The following IQCK variants were observed in gnomAD, a reference collection of about 807,000 sequenced individuals.
The protein encoded by IQCK is IQ motif containing K.
Under a neutral mutation model 28.1 loss-of-function variants are expected in IQCK, and 29 were observed. That is an observed-to-expected ratio of 1.03 (90% CI 0.77 to 1.41). The LOEUF (loss-of-function observed/expected upper bound fraction) is 1.41, where lower values mean the gene tolerates loss of function less well. IQCK is among the 40% of genes most tolerant of loss of function. IQCK has a pLI of 0.00. For missense variants in IQCK, 359 were observed against 314.7 expected, an observed-to-expected ratio of 1.14 and a Z score of -1.07; for synonymous variants, 113 against 115.1, an observed-to-expected ratio of 0.98 and a Z score of 0.12.
intron 2 of IQCK, among the ~76,000 whole-genome samples, chr16:19,732,163 C>T (rs1009753629): frequency 6.6e-5 from 10 of 152,216 alleles, no homozygotes; most frequent in African/African-American, 9.6e-5. Flanking sequence ...ACTCAGTCCA[C>T]CAACATATAC....
rs768835414 is a variant in IQCK at position 19,852,619 on chromosome 16, C to CTT, written c.803-3848_803-3847dup. On this transcript the variant is annotated intron_variant, in intron 9 of 9. Transcript: ENST00000320394. The stretch of plus-strand genomic sequence containing the variant: ...TCCGTGCCTCTCATCTTTCCTTCAA[C>CTT]TTTTTTTTTTTTTTTTTTTTTGAGA... Among the ~76,000 whole-genome samples the CTT allele has an allele frequency of 1.2e-3, 167 of 135,250 alleles. 2 individuals carry two copies. The highest frequency in any genetic ancestry group is 3.0e-3 in the African/African-American group (112 of 36,768). The allele number at this position is 135,250 out of a possible 152,430, so 88.7% of individuals were successfully genotyped here. A position where few individuals can be genotyped will look rare whatever the true frequency, so the allele number is the denominator to read the frequency against.
chr16:19,752,155 G>C (rs2054995373), intron 4 of IQCK, among the ~76,000 whole-genome samples: 1 of 152,160 alleles, frequency 6.6e-6, no homozygotes, highest in Non-Finnish European at 1.5e-5. Context: ...ATATTCTTAA[G>C]GAATTCCATG....
chr16:19,805,510 T>A (rs1208929552), intron 7 of IQCK, among the ~76,000 whole-genome samples: 1 of 152,204 alleles, frequency 6.6e-6, no homozygotes, highest in Non-Finnish European at 1.5e-5. Context: ...ACAAAGTCCC[T>A]GCCCTCATGG....
intron 6 of IQCK, among the ~76,000 whole-genome samples, chr16:19,775,769 A>G (rs1227062869): frequency 2.0e-5 from 3 of 146,966 alleles, no homozygotes; most frequent in Non-Finnish European, 4.5e-5. Context: ...ACCTCTCTTT[A>G]CAGAGCATGG....
At chr16:19,846,336 G>T (rs2056415311) in intron 9 of IQCK, among the ~76,000 whole-genome samples, 1 of 152,130 alleles carries the variant, frequency 6.6e-6, no homozygotes, top group African/African-American at 2.4e-5. Context: ...CCATTGCTAG[G>T]TTTGATTTGG....
chr16:19,738,647 T>A (rs1384635416), intron 4 of IQCK, among the ~76,000 whole-genome samples: 1 of 152,166 alleles, frequency 6.6e-6, no homozygotes, highest in Non-Finnish European at 1.5e-5. Flanking sequence ...GCCGATGAAA[T>A]GAGGTAGCTC....
At chr16:19,832,594 C>G (rs1037732299) in intron 9 of IQCK, among the ~76,000 whole-genome samples, 1 of 152,040 alleles carries the variant, frequency 6.6e-6, no homozygotes, top group Non-Finnish European at 1.5e-5. Flanking sequence ...AACTTCAAGG[C>G]CTAGGCTGAC....
chr16:19,758,414 C>T (rs2055084645), intron 4 of IQCK, among the ~76,000 whole-genome samples: 1 of 152,212 alleles, frequency 6.6e-6, no homozygotes, highest in Non-Finnish European at 1.5e-5. Context: ...GCATGACCGT[C>T]ATACATCAGA....
chr16:19,722,067 C>T (rs1977512511), intron 1 of IQCK, among the ~76,000 whole-genome samples: 1 of 152,212 alleles, frequency 6.6e-6, no homozygotes, highest in Admixed American at 6.5e-5. Flanking sequence ...TCCAGCACAG[C>T]CACTGAGCCA....
chr16:19,749,306 G>A (rs2054954309), intron 4 of IQCK, among the ~76,000 whole-genome samples: 1 of 152,184 alleles, frequency 6.6e-6, no homozygotes, highest in Non-Finnish European at 1.5e-5. Flanking sequence ...GAAGCTGAAC[G>A]CCTTCCAACT....
At chr16:19,854,796 G>T (rs539499562) in intron 9 of IQCK, among the ~76,000 whole-genome samples, 1 of 151,964 alleles carries the variant, frequency 6.6e-6, no homozygotes, top group Non-Finnish European at 1.5e-5. Flanking sequence ...CAGCTAGTGG[G>T]ACAGTCTTTA....
chr16:19,733,624 A>C, intron 2 of IQCK, 74 bp from the exon 3 acceptor site: 1 of 1,540,210 alleles, frequency 6.5e-7, no homozygotes, highest in Admixed American at 1.8e-5. Context: ...TTATTCCTTC[A>C]TAAGGTTATA....
At chr16:19,827,588 T>C (rs1210165088), downstream of IQCK, among the ~76,000 whole-genome samples, 1 of 152,204 alleles carries the variant, frequency 6.6e-6, no homozygotes, top group African/African-American at 2.4e-5. Context: ...AGATTAAACA[T>C]TATTTCTAGA....
intron 3 of IQCK, among the ~76,000 whole-genome samples, chr16:19,734,618 GA>G (rs879787295): frequency 1.4e-3 from 202 of 142,592 alleles, no homozygotes; most frequent in East Asian, 5.7e-3. Context: ...GACAGAGCGA[GA>G]AAAAAAAAAA....
chr16:19,832,045 T>G (rs192307722), downstream of IQCK, among the ~76,000 whole-genome samples: 1 of 152,168 alleles, frequency 6.6e-6, no homozygotes, highest in African/African-American at 2.4e-5. Context: ...CAAGTCATTT[T>G]TGAGATGTAG....
At chr16:19,735,935 G>A (rs1009543703) in intron 4 of IQCK, among the ~76,000 whole-genome samples, 5 of 151,874 alleles carry the variant, frequency 3.3e-5, no homozygotes, top group Non-Finnish European at 7.4e-5. Context: ...GTGTGGTGGC[G>A]CATACCTGTA....
At chr16:19,754,541 C>G (rs922628138) in intron 4 of IQCK, among the ~76,000 whole-genome samples, 1 of 152,152 alleles carries the variant, frequency 6.6e-6, no homozygotes. Flanking sequence ...TATCAGGAAA[C>G]TGTTTCTAAC....
intron 9 of IQCK, among the ~76,000 whole-genome samples, chr16:19,848,142 A>G (rs772359549): frequency 1.3e-5 from 2 of 152,232 alleles, no homozygotes; most frequent in South Asian, 4.1e-4. Flanking sequence ...AGCAGTCTGC[A>G]TCTTTACCAA....
chr16:19,725,199 A>T lies in IQCK; in HGVS notation c.182-5231A>T, dbSNP rs867316450. Among the ~76,000 whole-genome samples the T allele has an allele frequency of 7.2e-5, 11 of 151,916 alleles. No individual in the cohort carries two copies. In the South Asian group the frequency reaches 1.2e-3, roughly 17 times the overall value. On this transcript the variant is annotated intron_variant, in intron 1 of 7. Coordinates refer to ENST00000564186, the Ensembl canonical transcript of IQCK. ...CATTTAATATACCTGATTTAAAAAA[A>T]TTTTTTTTTAATTTTTATTTTTTTG...
Sources: allele counts gnomAD v4.1 joint callset (sites outside exome capture counted in the v4.1 genomes callset), GRCh38; gene constraint gnomAD v4.1.1; transcripts MANE v1.5; gene names NCBI Gene and HGNC (gene_info 2026-07-23, HGNC 2026-07-21).